FAM3D: variants seen among roughly 807,000 people sequenced by gnomAD.
FAM3D encodes protein FAM3D.
A neutral mutation model predicts 29.8 loss-of-function variants in FAM3D; 26 were observed. That is an observed-to-expected ratio of 0.87 (90% CI 0.64 to 1.21). FAM3D has a LOEUF of 1.21. Among genes scored for constraint, FAM3D ranks in the 50% most tolerant of loss-of-function variants. FAM3D has a pLI of 0.00. For missense variants in FAM3D, 253 were observed against 290.9 expected, an observed-to-expected ratio of 0.87 and a Z score of 0.95; for synonymous variants, 115 against 102.3, an observed-to-expected ratio of 1.12 and a Z score of -0.75.
At chr3:58,647,420 C>T (rs971826438) in intron 4 of FAM3D, among the ~76,000 whole-genome samples, 1 of 152,180 alleles carries the variant, frequency 6.6e-6, no homozygotes, top group Non-Finnish European at 1.5e-5. Flanking sequence ...GAAGCCAGGG[C>T]ATGGCTCCTG....
At chr3:58,655,622 A>G (rs765168586) in intron 1 of FAM3D, 21 bp from the exon 2 acceptor site, 10 of 1,598,980 alleles carry the variant, frequency 6.3e-6, no homozygotes, top group Non-Finnish European at 7.7e-6. Flanking sequence ...AAGAAAATCC[A>G]GTCGGAAACT....
chr3:58,662,166 C>A (rs1214387541), intron 1 of FAM3D, among the ~76,000 whole-genome samples: 1 of 152,208 alleles, frequency 6.6e-6, no homozygotes, highest in Non-Finnish European at 1.5e-5. Flanking sequence ...TCTGGGTTCA[C>A]CCCCTGGCCC....
At chr3:58,650,743 A>T (rs2066612094) in intron 3 of FAM3D, among the ~76,000 whole-genome samples, 1 of 152,016 alleles carries the variant, frequency 6.6e-6, no homozygotes. Flanking sequence ...TTTGAGACAG[A>T]GTCTCGCTCC....
intron 1 of FAM3D, among the ~76,000 whole-genome samples, chr3:58,662,146 G>T (rs928526077): frequency 8.0e-6 from 1 of 124,808 alleles, no homozygotes; most frequent in African/African-American, 2.6e-5. Flanking sequence ...GGGTGGGGCT[G>T]GGTGGAGTAT....
intron 2 of FAM3D, 52 bp from the exon 3 acceptor site, chr3:58,653,833 C>T (rs2106895412): frequency 5.0e-6 from 7 of 1,400,386 alleles, no homozygotes; most frequent in African/African-American, 1.4e-5. Flanking sequence ...GACCACATTG[C>T]AAGACCACGT....
chr3:58,653,629 A>G (rs2066709078), intron 3 of FAM3D, 45 bp downstream of exon 3: 1 of 1,559,858 alleles, frequency 6.4e-7, no homozygotes, highest in African/African-American at 1.4e-5. Context: ...TTCGGCCCCC[A>G]GGCCTGGTCT....
chr3:58,665,394 C>G (rs1007801593), intron 1 of FAM3D, among the ~76,000 whole-genome samples: 15 of 152,114 alleles, frequency 9.9e-5, no homozygotes, highest in Admixed American at 9.2e-4. Flanking sequence ...CTGCCCTTCA[C>G]TCCTGAAGGA....
intron 1 of FAM3D, among the ~76,000 whole-genome samples, chr3:58,659,623 C>T (rs1011058241): frequency 6.6e-6 from 1 of 152,232 alleles, no homozygotes; most frequent in Non-Finnish European, 1.5e-5. Context: ...CCAGCTTCCC[C>T]TCCAGGGAGT....
At chr3:58,656,227 T>C (rs537340026) in intron 1 of FAM3D, among the ~76,000 whole-genome samples, 1 of 152,332 alleles carries the variant, frequency 6.6e-6, no homozygotes, top group East Asian at 1.9e-4. Context: ...GGTGACTTTG[T>C]GCCAGGTGCC....
At chr3:58,643,539 G>A (rs2066393336) in intron 6 of FAM3D, 123 bp downstream of exon 6, 1 of 1,071,118 alleles carries the variant, frequency 9.3e-7, no homozygotes, top group African/African-American at 1.5e-5. Flanking sequence ...CCCCTCCTGA[G>A]CTCTACGGGC....
At position 58,643,723 on chromosome 3, in the gene FAM3D, GA is replaced by G; in HGVS notation, c.264-4del. ...TGTTTTTCACAGGACTCATGATCCT[GA>G]AGACAATGAAGAAGAAATATGACAG... On this transcript the variant is annotated splice_region_variant and splice_polypyrimidine_tract_variant and intron_variant, in intron 5 of 9. Transcript: ENST00000358781. 1 of 1,613,938 alleles carries G rather than the reference GA, an allele frequency of 6.2e-7. No individual in the cohort carries two copies. The highest frequency in any genetic ancestry group is 1.1e-5 in the South Asian group (1 of 91,072).
intron 3 of FAM3D, among the ~76,000 whole-genome samples, chr3:58,650,003 T>C (rs374647789): frequency 1.4e-4 from 21 of 152,332 alleles, no homozygotes; most frequent in African/African-American, 4.8e-4. Context: ...TTGGCCCATA[T>C]TGGGGTGTCT....
intron 3 of FAM3D, among the ~76,000 whole-genome samples, chr3:58,652,899 T>A (rs923227273): frequency 6.6e-6 from 1 of 150,764 alleles, no homozygotes; most frequent in African/African-American, 2.4e-5. Context: ...CATCCATCTC[T>A]CCATCTACCC....
intron 7 of FAM3D, 85 bp from the exon 8 acceptor site, chr3:58,637,310 G>A (rs981808056): frequency 3.8e-6 from 5 of 1,299,304 alleles, no homozygotes; most frequent in African/African-American, 1.5e-5. Context: ...CCATGATGCA[G>A]GAGTCAGCTA....
At chr3:58,647,289 T>A (rs1449712696) in intron 4 of FAM3D, among the ~76,000 whole-genome samples, 2 of 152,294 alleles carry the variant, frequency 1.3e-5, no homozygotes, top group East Asian at 3.9e-4. Context: ...GCCTGTGGCT[T>A]AGGGGAGAGA....
intron 4 of FAM3D, among the ~76,000 whole-genome samples, chr3:58,648,123 T>TC: frequency 6.6e-6 from 1 of 152,074 alleles, no homozygotes; most frequent in Non-Finnish European, 1.5e-5. Flanking sequence ...GAATTTGCTA[T>TC]CCCCCCAGCA....
chr3:58,662,389 G>A (rs1011641445), intron 1 of FAM3D, among the ~76,000 whole-genome samples: 10 of 152,206 alleles, frequency 6.6e-5, no homozygotes, highest in African/African-American at 2.2e-4. Context: ...AGGAAGGCAC[G>A]GGATCAGGAG....
At chr3:58,647,796 C>G (rs2066522601) in intron 4 of FAM3D, among the ~76,000 whole-genome samples, 1 of 152,196 alleles carries the variant, frequency 6.6e-6, no homozygotes, top group East Asian at 1.9e-4. Flanking sequence ...TGTGCTGTTG[C>G]TCAGAGCATG....
rs1469394756 is a variant in FAM3D, at chr3:58,643,658, T to C, written c.322+4A>G. 1 of 1,613,340 alleles carries C rather than the reference T, an allele frequency of 6.2e-7. No homozygotes were observed. The highest frequency in any genetic ancestry group is 8.5e-7 in the Non-Finnish European group (1 of 1,180,010). ...AACTGTCTGGGGATGGATATGCAAC[T>C]CACCATTCACCAGGGCGATGTTTAG... On this transcript the variant is annotated splice_donor_region_variant and intron_variant, in intron 6 of 9. Transcript: ENST00000358781.
Sources: gnomAD v4.1 joint callset for allele counts (sites outside exome capture counted in the v4.1 genomes callset) on GRCh38, gnomAD v4.1.1 for gene constraint, MANE v1.5 for transcripts, NCBI Gene and HGNC (gene_info 2026-07-23, HGNC 2026-07-21) for gene names.